The following PCDH15 variants were observed in gnomAD, a reference collection of about 807,000 sequenced individuals.
The protein encoded by PCDH15 is protocadherin related 15.
PCDH15 carries 129 observed loss-of-function variants against 178.5 expected under a neutral mutation model. That is an observed-to-expected ratio of 0.72 (90% CI 0.63 to 0.84). The LOEUF is 0.84. PCDH15 is among the 40% of genes least tolerant of loss of function. The probability of loss-of-function intolerance (pLI) is 0.00; values close to 1 mark genes in which losing one functional copy is unlikely to be tolerated. For missense variants in PCDH15, 2,230 were observed against 2,099.9 expected (o/e 1.06, Z -1.21); for synonymous variants, 800 against 732.0 (o/e 1.09, Z -1.50).
chr10:54,521,498 A>G (rs1043282924), intron 3 of PCDH15, among the ~76,000 whole-genome samples: 12 of 152,178 alleles, frequency 7.9e-5, no homozygotes, highest in East Asian at 1.9e-4. Flanking sequence ...AAGTAAATAT[A>G]TTTGTAAGGA....
rs1253294539 is a variant in PCDH15, at chr10:53,938,952, G to A, written c.3236C>T (p.Thr1079Ile). The change falls in exon 25 of 38, where the codon ACA becomes ATA. Residue 1079 changes from threonine (T) to isoleucine (I), a missense_variant. Transcript: ENST00000644397. ...YSIVSGNEEDTFGINNITGVI... is the reference protein window; with the variant it reads ...YSIVSGNEEDIFGINNITGVI... ...ACCTGTGATGTTATTAATTCCAAAT[G>A]TATCTAGAAATTAAAATACAATTAC... is the stretch of plus-strand genomic sequence containing the variant. The A allele has an allele frequency of 6.2e-7, 1 of 1,612,058 alleles. No individual in the cohort carries two copies. The highest frequency in any genetic ancestry group is 1.3e-5 in the African/African-American group (1 of 74,970).
intron 2 of PCDH15, among the ~76,000 whole-genome samples, chr10:54,948,832 A>G (rs917297407): frequency 6.6e-5 from 10 of 151,970 alleles, no homozygotes; most frequent in African/African-American, 2.4e-4. Flanking sequence ...AATATCATCC[A>G]GAAACACCCT....
chr10:55,372,175 T>A (rs1845521985), intron 2 of PCDH15, among the ~76,000 whole-genome samples: 1 of 152,106 alleles, frequency 6.6e-6, no homozygotes, highest in Non-Finnish European at 1.5e-5. Context: ...ATAGGGCACA[T>A]ATTTATTATT....
rs149077200 is a variant in PCDH15, at chr10:54,046,815, T to C, written c.2220+19942A>G. Among the ~76,000 whole-genome samples the C allele has an allele frequency of 2.7e-3, 404 of 152,216 alleles. 2 individuals are homozygous for C. The highest frequency in any genetic ancestry group is 9.4e-3 in the African/African-American group (390 of 41,546). ...CTTTTGTGTATTACATTTTTTTTCT[T>C]AAAGTTTAAAGGACAAGAGTTGGTC... On this transcript the variant is annotated intron_variant, in intron 18 of 37. Coordinates refer to ENST00000644397, the MANE Select transcript of PCDH15 (RefSeq NM_001384140.1).
chr10:55,120,363 C>T (rs1377998343), intron 2 of PCDH15, among the ~76,000 whole-genome samples: 1 of 151,956 alleles, frequency 6.6e-6, no homozygotes, highest in Admixed American at 6.6e-5. Context: ...ATGGTAATAC[C>T]ATGTAGGCAG....
Position 53,805,299 on chromosome 10 carries a change from T to G in PCDH15, c.*1280A>C, listed in dbSNP as rs1841081878. On this transcript the variant is annotated 3_prime_UTR_variant, in exon 38 of 38. Transcript: ENST00000644397. ...TACATCTATATCATACTAAGTAATA[T>G]TCAATAGAATTCTGAATTCTCTTAA... The G allele has an allele frequency of 1.3e-5, 2 of 151,976 alleles. No homozygotes were observed. The highest frequency in any genetic ancestry group is 4.8e-5 in the African/African-American group (2 of 41,370). The allele number at this position is 151,976 out of a possible 1,614,324, so 9.4% of individuals were successfully genotyped here.
intron 1 of PCDH15, among the ~76,000 whole-genome samples, chr10:55,311,122 G>T (rs1843576429): frequency 6.6e-6 from 1 of 152,168 alleles, no homozygotes; most frequent in Admixed American, 6.5e-5. Context: ...TCCAGAGAAG[G>T]TGGCTTTAGG....
chr10:54,361,114 T>C (rs548687943), intron 5 of PCDH15, among the ~76,000 whole-genome samples: 1 of 152,174 alleles, frequency 6.6e-6, no homozygotes, highest in South Asian at 2.1e-4. Context: ...GATTATTAGT[T>C]CTAGGATTCA....
intron 14 of PCDH15, among the ~76,000 whole-genome samples, chr10:54,149,551 G>T (rs1485080683): frequency 6.6e-6 from 1 of 152,152 alleles, no homozygotes; most frequent in Non-Finnish European, 1.5e-5. Flanking sequence ...GAAAAGCAGA[G>T]TTGAGTAGGA....
At chr10:54,468,817 G>A (rs1482455547) in intron 3 of PCDH15, among the ~76,000 whole-genome samples, 2 of 152,028 alleles carry the variant, frequency 1.3e-5, no homozygotes, top group African/African-American at 4.8e-5. Context: ...TGTTTTATAT[G>A]TCTGGGTGCT....
chr10:55,494,096 T>A (rs1840481248), intron 2 of PCDH15, among the ~76,000 whole-genome samples: 1 of 151,430 alleles, frequency 6.6e-6, no homozygotes, highest in Admixed American at 6.6e-5. Flanking sequence ...TATAATCTGC[T>A]GTTGGATAAA....
chr10:54,199,573 T>C (rs7358246), intron 10 of PCDH15, among the ~76,000 whole-genome samples: 38 of 85,068 alleles, frequency 4.5e-4, no homozygotes, highest in Non-Finnish European at 1.0e-3. Context: ...ACAACAACAA[T>C]AATAATAATA....
chr10:54,571,285 C>T (rs1267939438), intron 2 of PCDH15, among the ~76,000 whole-genome samples: 1 of 146,984 alleles, frequency 6.8e-6, no homozygotes, highest in Non-Finnish European at 1.5e-5. Flanking sequence ...ATACCAGTCC[C>T]ACCCTCTTGC....
chr10:54,042,856 C>T (rs1239385649), intron 18 of PCDH15, among the ~76,000 whole-genome samples: 1 of 152,044 alleles, frequency 6.6e-6, no homozygotes, highest in Non-Finnish European at 1.5e-5. Flanking sequence ...AAGTAAGATA[C>T]TATTTACATA....
chr10:55,379,137 C>T (rs1315503610), intron 2 of PCDH15, among the ~76,000 whole-genome samples: 1 of 151,020 alleles, frequency 6.6e-6, no homozygotes, highest in African/African-American at 2.5e-5. Context: ...TGTATGGCGC[C>T]TATTAATTTT....
chr10:54,797,642 G>C (rs556236318), intron 1 of PCDH15, among the ~76,000 whole-genome samples: 2 of 151,866 alleles, frequency 1.3e-5, no homozygotes, highest in Admixed American at 1.3e-4. Context: ...TCATTTTGCT[G>C]GCTTCATTTA....
chr10:55,254,956 T>C (rs1263965886), intron 1 of PCDH15, among the ~76,000 whole-genome samples: 1 of 150,614 alleles, frequency 6.6e-6, no homozygotes, highest in Non-Finnish European at 1.5e-5. Context: ...GTCTTTTCTT[T>C]TTTTTTTTAT....
At chr10:54,331,849 T>C (rs548721912) in intron 6 of PCDH15, among the ~76,000 whole-genome samples, 1 of 152,092 alleles carries the variant, frequency 6.6e-6, no homozygotes, top group Admixed American at 6.6e-5. Flanking sequence ...TCTTGAATAG[T>C]CTAGCTTAAA....
intron 2 of PCDH15, among the ~76,000 whole-genome samples, chr10:54,612,009 C>T (rs1201212227): frequency 6.6e-6 from 1 of 151,658 alleles, no homozygotes; most frequent in African/African-American, 2.4e-5. Context: ...TAATAAGGTC[C>T]ATCTCATTTG....
Sources: allele counts gnomAD v4.1 joint callset (sites outside exome capture counted in the v4.1 genomes callset), GRCh38; gene constraint gnomAD v4.1.1; transcripts MANE v1.5; gene names NCBI Gene and HGNC (gene_info 2026-07-23, HGNC 2026-07-21).